The following PCCA variants were observed in gnomAD, a reference collection of about 807,000 sequenced individuals.
PCCA encodes propionyl-CoA carboxylase subunit alpha.
PCCA carries 74 observed loss-of-function variants against 101.3 expected under a neutral mutation model. The observed-to-expected ratio is 0.73, with a 90% CI of 0.61 to 0.89. PCCA has a LOEUF of 0.89. Ranked by LOEUF, PCCA falls within the 40% of genes least tolerant of loss-of-function variation. The pLI, the probability that PCCA is intolerant of heterozygous loss-of-function variation, is 0.00. For synonymous variants in PCCA, 294 were observed against 313.6 expected (o/e 0.94, Z 0.66); for missense variants, 891 against 907.0 (o/e 0.98, Z 0.23).
chr13:100,182,621 C>T lies in PCCA; in HGVS notation c.468+25281C>T, dbSNP rs377094493. On this transcript the variant is annotated intron_variant, in intron 6 of 23. Transcript: ENST00000376285. ...GTAGCCAGCAGTCAGTCAGTCTTCT[C>T]TCTGAGTTTATGCTCCATTCTTTGA... Among the ~76,000 whole-genome samples the T allele has an allele frequency of 7.9e-5, 12 of 152,256 alleles. 1 individual carries two copies. The South Asian group carries it at 1.2e-3, about 16-fold the overall frequency.
rs74787419 is a variant in PCCA at position 100,511,778 on chromosome 13, G to A, written c.1900-3649G>A. The stretch of plus-strand genomic sequence containing the variant: ...CACCTCGGGAGCAGCCGCAGACCTC[G>A]GGATCATTGCAACATTTAGCGCATG... On this transcript the variant is annotated intron_variant, in intron 21 of 23. Coordinates refer to ENST00000376285, the MANE Select transcript of PCCA (RefSeq NM_000282.4). Among the ~76,000 whole-genome samples the A allele has an allele frequency of 1.8e-4, 27 of 152,282 alleles. No homozygotes were observed. In the East Asian group the frequency reaches 4.4e-3, roughly 25 times the overall value.
At chr13:100,525,618 C>T (rs181755284) in intron 22 of PCCA, among the ~76,000 whole-genome samples, 2 of 152,374 alleles carry the variant, frequency 1.3e-5, no homozygotes, top group Admixed American at 1.3e-4. Flanking sequence ...CTTGAAGATC[C>T]TGTAAAACAG....
In PCCA at chr13:100,452,106, TCTCTCTCTCCTCTTCTTCCTCTCC is replaced by T. The variant is rs1409308483; in HGVS notation, c.1899+2833_1899+2856del. 5.3e-3 allele frequency among the ~76,000 whole-genome samples: 557 copies of T among 105,896 alleles called. 2 individuals are homozygous for T. Among genetic ancestry groups the T allele is most frequent in the African/African-American group, 0.019 (501 of 26,758 alleles). The allele number at this position is 105,896 out of a possible 152,430, so 69.5% of individuals were successfully genotyped here. On this transcript the variant is annotated intron_variant, in intron 21 of 23. Coordinates refer to ENST00000376285, the MANE Select transcript of PCCA (RefSeq NM_000282.4). ...CTTCCTCCTCTTCCTCCTCTTCCTTTCTCTCTCTCCTCTTCTTCCTCTCCCTCTCTCTCCTCTTCTTCCTCTCCC... is the reference window on the plus strand; with the variant it reads ...CTTCCTCCTCTTCCTCCTCTTCCTTTCTCTCTCTCCTCTTCTTCCTCTCCC...
intron 19 of PCCA, among the ~76,000 whole-genome samples, chr13:100,422,371 C>T (rs2078889665): frequency 6.6e-6 from 1 of 150,810 alleles, no homozygotes; most frequent in Admixed American, 6.6e-5. Context: ...CTCCTGGCTT[C>T]AAGCAGTCCT....
chr13:100,379,272 T>A (rs1595673991), intron 19 of PCCA, among the ~76,000 whole-genome samples: 1 of 152,010 alleles, frequency 6.6e-6, no homozygotes, highest in Admixed American at 6.6e-5. Context: ...TGTAATGAGG[T>A]TTTCTGGGGA....
At chr13:100,470,246 G>A (rs7324156) in intron 21 of PCCA, among the ~76,000 whole-genome samples, 5 of 145,376 alleles carry the variant, frequency 3.4e-5, no homozygotes, top group Admixed American at 7.4e-5. Context: ...AAGTGGAAGC[G>A]TGTGTTTTGG....
At chr13:100,223,573 G>T (rs938456605) in intron 7 of PCCA, among the ~76,000 whole-genome samples, 1 of 152,160 alleles carries the variant, frequency 6.6e-6, no homozygotes, top group African/African-American at 2.4e-5. Flanking sequence ...GTGAGCAGCA[G>T]CAAGATTTAT....
chr13:100,098,923 C>T (rs989044353), intron 1 of PCCA, among the ~76,000 whole-genome samples: 1 of 152,168 alleles, frequency 6.6e-6, no homozygotes. Flanking sequence ...TAAGTGTCTT[C>T]AGAGAAGGGC....
At chr13:100,476,162 A>C (rs1389005423) in intron 21 of PCCA, among the ~76,000 whole-genome samples, 1 of 152,226 alleles carries the variant, frequency 6.6e-6, no homozygotes, top group Non-Finnish European at 1.5e-5. Flanking sequence ...GGAAAAAAGA[A>C]TAATCAGCAT....
intron 6 of PCCA, among the ~76,000 whole-genome samples, chr13:100,181,401 T>C (rs1256866265): frequency 6.6e-6 from 1 of 152,120 alleles, no homozygotes; most frequent in Non-Finnish European, 1.5e-5. Flanking sequence ...TTACAGGTAT[T>C]GGGTTTTGAT....
intron 16 of PCCA, among the ~76,000 whole-genome samples, chr13:100,319,481 A>C (rs2067760453): frequency 6.6e-6 from 1 of 152,202 alleles, no homozygotes; most frequent in Non-Finnish European, 1.5e-5. Context: ...CTAACATATA[A>C]GTCTTTAATC....
intron 18 of PCCA, among the ~76,000 whole-genome samples, chr13:100,349,550 A>G (rs2073003731): frequency 2.6e-5 from 4 of 152,216 alleles, no homozygotes; most frequent in Admixed American, 2.6e-4. Context: ...GGCATGAGCC[A>G]CCACGCCCGG....
intron 19 of PCCA, among the ~76,000 whole-genome samples, chr13:100,422,688 C>T (rs961267977): frequency 6.6e-6 from 1 of 151,858 alleles, no homozygotes; most frequent in African/African-American, 2.4e-5. Context: ...TTCTTCAGTC[C>T]TTATCTTTCT....
intron 12 of PCCA, among the ~76,000 whole-genome samples, chr13:100,290,406 T>C (rs769590714): frequency 2.8e-4 from 43 of 152,030 alleles, no homozygotes; most frequent in Non-Finnish European, 6.2e-4. Flanking sequence ...AGAGACGAGA[T>C]CTCACTTTGT....
At chr13:100,228,396 T>C (rs1367977292) in intron 7 of PCCA, among the ~76,000 whole-genome samples, 1 of 152,196 alleles carries the variant, frequency 6.6e-6, no homozygotes, top group Non-Finnish European at 1.5e-5. Flanking sequence ...TAGGATATTA[T>C]TGAACATTAT....
intron 4 of PCCA, chr13:100,154,765 A>G: frequency 3.7e-6 from 2 of 542,780 alleles, no homozygotes; most frequent in South Asian, 2.1e-5. Flanking sequence ...TTATTTGGTT[A>G]GACAATGAAT....
chr13:100,371,457 CT>C (rs1359068568), intron 19 of PCCA, among the ~76,000 whole-genome samples: 2 of 152,118 alleles, frequency 1.3e-5, no homozygotes, highest in Non-Finnish European at 2.9e-5. Context: ...GACTAGAAGA[CT>C]TAATATGGTT....
intron 8 of PCCA, among the ~76,000 whole-genome samples, chr13:100,245,924 T>A (rs911164966): frequency 8.5e-5 from 13 of 152,202 alleles, no homozygotes; most frequent in African/African-American, 3.1e-4. Flanking sequence ...TGAGGGGGAA[T>A]GAAGGAAACT....
At chr13:100,104,297 G>C (rs1191055313) in intron 2 of PCCA, among the ~76,000 whole-genome samples, 1 of 152,172 alleles carries the variant, frequency 6.6e-6, no homozygotes, top group Non-Finnish European at 1.5e-5. Context: ...CTTCAGTTCA[G>C]TAGAAATACA....
Sources: allele counts gnomAD v4.1 joint callset (sites outside exome capture counted in the v4.1 genomes callset), GRCh38; gene constraint gnomAD v4.1.1; transcripts MANE v1.5; gene names NCBI Gene and HGNC (gene_info 2026-07-23, HGNC 2026-07-21).